Variants in LRRTM4 observed in about 807,000 individuals in gnomAD.
LRRTM4 encodes leucine-rich repeat transmembrane neuronal protein 4.
A neutral mutation model predicts 47.6 loss-of-function variants in LRRTM4; 25 were observed. That is an observed-to-expected ratio of 0.53 (90% CI 0.38 to 0.73). The LOEUF is 0.73. LRRTM4 is among the 30% of genes least tolerant of loss of function. LRRTM4 has a pLI of 0.00. For missense variants in LRRTM4, 638 were observed against 713.4 expected (o/e 0.89, Z 1.20); for synonymous variants, 311 against 269.5 (o/e 1.15, Z -1.51).
At chr2:76,945,117 A>C (rs1477947165) in intron 3 of LRRTM4, among the ~76,000 whole-genome samples, 1 of 152,114 alleles carries the variant, frequency 6.6e-6, no homozygotes, top group Non-Finnish European at 1.5e-5. Flanking sequence ...AAATCAGCAT[A>C]TTACACACAA....
chr2:77,290,674 T>C (rs1676798435), intron 3 of LRRTM4, among the ~76,000 whole-genome samples: 1 of 152,014 alleles, frequency 6.6e-6, no homozygotes, highest in South Asian at 2.1e-4. Context: ...ATATATACTA[T>C]TATTCAGTAT....
intron 3 of LRRTM4, among the ~76,000 whole-genome samples, chr2:76,761,194 C>G (rs1413639601): frequency 6.6e-6 from 1 of 152,222 alleles, no homozygotes; most frequent in African/African-American, 2.4e-5. Flanking sequence ...CGGGAGATTG[C>G]TTGACTCAAA....
At chr2:76,798,954 A>C (rs926094929) in intron 3 of LRRTM4, among the ~76,000 whole-genome samples, 1 of 150,150 alleles carries the variant, frequency 6.7e-6, no homozygotes, top group African/African-American at 2.5e-5. Context: ...TTGTGGCAAT[A>C]ATCAATAGCT....
At position 77,511,331 on chromosome 2, in the gene LRRTM4, G is replaced by A. The variant is rs924336521; in HGVS notation, c.1551+6987C>T. Among the ~76,000 whole-genome samples the A allele has an allele frequency of 6.6e-5, 10 of 152,028 alleles. No individual in the cohort carries two copies. In the East Asian group the frequency reaches 1.9e-3, roughly 29 times the overall value. On this transcript the variant is annotated intron_variant, in intron 3 of 3. Coordinates refer to ENST00000409884, the MANE Select transcript of LRRTM4 (RefSeq NM_001134745.3). The stretch of plus-strand genomic sequence containing the variant: ...CCATCTGTATTCAGTATACATGTTA[G>A]TATTTTAGAAATATTTATAGAAGAT...
chr2:77,172,633 C>T (rs541221031), intron 3 of LRRTM4, among the ~76,000 whole-genome samples: 125 of 152,112 alleles, frequency 8.2e-4, no homozygotes, highest in African/African-American at 2.9e-3. Flanking sequence ...AAATAAAGTG[C>T]TAAACTACAA....
At chr2:77,039,461 A>C (rs1050517162) in intron 3 of LRRTM4, among the ~76,000 whole-genome samples, 4 of 151,172 alleles carry the variant, frequency 2.6e-5, no homozygotes, top group Non-Finnish European at 4.5e-5. Context: ...ATCTCTTACT[A>C]ATCTGTCATC....
chr2:76,949,603 T>C (rs1675434653), intron 3 of LRRTM4, among the ~76,000 whole-genome samples: 1 of 151,878 alleles, frequency 6.6e-6, no homozygotes, highest in African/African-American at 2.4e-5. Context: ...AGAGAAATGG[T>C]GATGCTCAGT....
chr2:76,972,292 C>T (rs1222094702), intron 3 of LRRTM4, among the ~76,000 whole-genome samples: 1 of 151,948 alleles, frequency 6.6e-6, no homozygotes, highest in Non-Finnish European at 1.5e-5. Flanking sequence ...TTGTGAACCC[C>T]TCAGCAGAGA....
intron 3 of LRRTM4, among the ~76,000 whole-genome samples, chr2:77,181,579 A>C (rs941053678): frequency 6.6e-6 from 1 of 152,174 alleles, no homozygotes; most frequent in African/African-American, 2.4e-5. Flanking sequence ...AAAAATAAAC[A>C]ACAAAAAGAT....
chr2:76,995,088 G>C (rs1283974445), intron 3 of LRRTM4, among the ~76,000 whole-genome samples: 1 of 151,898 alleles, frequency 6.6e-6, no homozygotes, highest in Non-Finnish European at 1.5e-5. Context: ...TCAGGAAACT[G>C]AACTTTTAAA....
chr2:77,468,472 T>C (rs1257517032), intron 3 of LRRTM4, among the ~76,000 whole-genome samples: 1 of 152,212 alleles, frequency 6.6e-6, no homozygotes. Context: ...CAAGTGTTTT[T>C]GAAGTATTCT....
intron 3 of LRRTM4, among the ~76,000 whole-genome samples, chr2:76,959,047 T>G (rs1675768661): frequency 6.6e-6 from 1 of 151,696 alleles, no homozygotes; most frequent in African/African-American, 2.4e-5. Flanking sequence ...GCTGAATTGC[T>G]TTTTGGCCAC....
chr2:77,004,686 G>A (rs558812329), intron 3 of LRRTM4, among the ~76,000 whole-genome samples: 1 of 152,220 alleles, frequency 6.6e-6, no homozygotes, highest in African/African-American at 2.4e-5. Context: ...TAGAATGGTA[G>A]ATCCACTGAC....
chr2:77,453,175 G>A (rs1207067944), intron 3 of LRRTM4, among the ~76,000 whole-genome samples: 1 of 125,456 alleles, frequency 8.0e-6, no homozygotes, highest in African/African-American at 3.0e-5. Flanking sequence ...GTTTCTTCTT[G>A]ATTTTTTTTT....
At chr2:77,330,742 T>A (rs1024547636) in intron 3 of LRRTM4, among the ~76,000 whole-genome samples, 59 of 152,302 alleles carry the variant, frequency 3.9e-4, no homozygotes, top group African/African-American at 1.1e-3. Flanking sequence ...TATACTCATC[T>A]TTTTTGTTGA....
At chr2:76,765,468 A>G (rs946890379) in intron 3 of LRRTM4, among the ~76,000 whole-genome samples, 5 of 152,192 alleles carry the variant, frequency 3.3e-5, no homozygotes, top group African/African-American at 9.7e-5. Context: ...GTATGGCTAC[A>G]TTTGGAGATA....
At chr2:76,784,682 C>A (rs753020312) in intron 3 of LRRTM4, among the ~76,000 whole-genome samples, 8 of 152,058 alleles carry the variant, frequency 5.3e-5, no homozygotes, top group Non-Finnish European at 1.2e-4. Flanking sequence ...GCATGAATAG[C>A]TTCCTAAGTT....
intron 3 of LRRTM4, among the ~76,000 whole-genome samples, chr2:77,496,337 G>A (rs999025296): frequency 6.6e-5 from 10 of 151,650 alleles, no homozygotes; most frequent in Non-Finnish European, 1.0e-4. Flanking sequence ...TTGAATTATT[G>A]CACTTGCTAG....
intron 3 of LRRTM4, among the ~76,000 whole-genome samples, chr2:77,043,966 G>A (rs1679126510): frequency 6.6e-6 from 1 of 151,330 alleles, no homozygotes; most frequent in African/African-American, 2.4e-5. Context: ...ATGAAATGCT[G>A]GTTTACTTAT....
Sources: gnomAD v4.1 joint callset for allele counts (sites outside exome capture counted in the v4.1 genomes callset) on GRCh38, gnomAD v4.1.1 for gene constraint, MANE v1.5 for transcripts, NCBI Gene and HGNC (gene_info 2026-07-23, HGNC 2026-07-21) for gene names.